The following FBXO7 variants were observed in gnomAD, a reference collection of about 807,000 sequenced individuals.
FBXO7 encodes the protein F-box protein 7, also known as F-box only protein 7.
A neutral mutation model predicts 50.2 loss-of-function variants in FBXO7; 31 were observed. The ratio of observed to expected loss-of-function variants is 0.62; its 90% CI spans 0.46 to 0.83. FBXO7 has a LOEUF of 0.83. Among genes scored for constraint, FBXO7 ranks in the 40% least tolerant of loss-of-function variants. FBXO7 has a pLI of 0.00. For synonymous variants in FBXO7, 256 were observed against 253.1 expected, an observed-to-expected ratio of 1.01 and a Z score of -0.11; for missense variants, 667 against 646.6, an observed-to-expected ratio of 1.03 and a Z score of -0.34.
chr22:32,485,570 C>T (rs2057493294), intron 4 of FBXO7, among the ~76,000 whole-genome samples: 1 of 151,958 alleles, frequency 6.6e-6, no homozygotes, highest in Non-Finnish European at 1.5e-5. Flanking sequence ...TTCTTTATGC[C>T]TGTGGATGGC....
At chr22:32,487,178 A>C (rs2057503916) in intron 4 of FBXO7, 1 of 152,394 alleles carries the variant, frequency 6.6e-6, no homozygotes, top group African/African-American at 2.4e-5. Context: ...CACCCAAGGC[A>C]TCCTGCTTGG....
chr22:32,481,934 G>C lies in FBXO7; in HGVS notation c.418-1963G>C, dbSNP rs1262722491. On this transcript the variant is annotated intron_variant, in intron 2 of 8. Coordinates refer to ENST00000266087, the MANE Select transcript of FBXO7 (RefSeq NM_012179.4). ...AAGAATTTGATAAATATTCATATCA[G>C]AATAGCTCAGAGAATGTCAGTGGTT... Among the ~76,000 whole-genome samples the C allele has an allele frequency of 6.0e-5, 9 of 151,236 alleles. No individual in the cohort carries two copies. The East Asian group carries it at 1.8e-3, about 30-fold the overall frequency.
intron 2 of FBXO7, among the ~76,000 whole-genome samples, chr22:32,482,104 G>GT (rs527811429): frequency 6.4e-4 from 97 of 152,102 alleles, no homozygotes; most frequent in Non-Finnish European, 1.2e-3. Context: ...ATGGCCAAAA[G>GT]TTAGACATAG....
intron 7 of FBXO7, among the ~76,000 whole-genome samples, 178 bp from the exon 8 acceptor site, chr22:32,495,311 GTGTT>G (rs929012507): frequency 6.6e-6 from 1 of 151,736 alleles, no homozygotes; most frequent in African/African-American, 2.4e-5. Flanking sequence ...CATCAATAAA[GTGTT>G]TGAATTAGAT....
At chr22:32,482,842 T>G (rs1285054020) in intron 2 of FBXO7, among the ~76,000 whole-genome samples, 14 of 152,224 alleles carry the variant, frequency 9.2e-5, no homozygotes. Context: ...TGGTTTTTTA[T>G]AAACTTGCAG....
In FBXO7 at chr22:32,479,389, A is replaced by G. The variant is rs2057449812; in HGVS notation, c.417+114A>G. The G allele has an allele frequency of 4.3e-6, 4 of 922,520 alleles. No homozygotes were observed. The African/African-American group carries it at 5.3e-5, about 12-fold the overall frequency. The allele number at this position is 922,520 out of a possible 1,614,324, so 57.1% of individuals were successfully genotyped here. On this transcript the variant is annotated intron_variant, in intron 2 of 8. Coordinates refer to ENST00000266087, the MANE Select transcript of FBXO7 (RefSeq NM_012179.4). ...ATCATCGATAGATTGCACATTTTAT[A>G]TATATTTTTTTCTTTTTTTTTTTTT...
At chr22:32,495,579 T>A in intron 8 of FBXO7, 49 bp downstream of exon 8, 1 of 1,056,292 alleles carries the variant, frequency 9.5e-7, no homozygotes, top group Middle Eastern at 2.2e-4. Context: ...CAGAAATGAC[T>A]AGTGAATTAA....
chr22:32,492,115 A>G (rs1208535014), intron 6 of FBXO7: 1 of 152,218 alleles, frequency 6.6e-6, no homozygotes, highest in Non-Finnish European at 1.5e-5. Context: ...GGGGAAGTAT[A>G]ATTATGCGTA....
chr22:32,476,943 G>T (rs568211220), intron 1 of FBXO7, among the ~76,000 whole-genome samples: 2 of 152,146 alleles, frequency 1.3e-5, no homozygotes, highest in Non-Finnish European at 2.9e-5. Context: ...AGCGGACCAT[G>T]ACCTTTTCTG....
At chr22:32,486,965 C>A (rs780384404) in intron 4 of FBXO7, among the ~76,000 whole-genome samples, 2 of 152,132 alleles carry the variant, frequency 1.3e-5, no homozygotes, top group Non-Finnish European at 2.9e-5. Context: ...CACTTAATGA[C>A]GTGTATAATA....
At chr22:32,497,385 C>A (rs1376581711) in intron 8 of FBXO7, among the ~76,000 whole-genome samples, 1 of 152,170 alleles carries the variant, frequency 6.6e-6, no homozygotes, top group African/African-American at 2.4e-5. Context: ...TTAGGTCTCA[C>A]AAGATTTGGT....
chr22:32,485,331 A>G, intron 4 of FBXO7, 122 bp downstream of exon 4: 5 of 1,257,794 alleles, frequency 4.0e-6, no homozygotes, highest in Non-Finnish European at 5.8e-6. Flanking sequence ...TCTCAACTGT[A>G]TTTAATTCCT....
At chr22:32,481,819 T>G (rs1158581894) in intron 2 of FBXO7, among the ~76,000 whole-genome samples, 2 of 152,148 alleles carry the variant, frequency 1.3e-5, no homozygotes, top group Non-Finnish European at 2.9e-5. Flanking sequence ...CTTAGTCACT[T>G]GTTTTAGTCT....
intron 8 of FBXO7, among the ~76,000 whole-genome samples, chr22:32,496,367 A>T (rs1013092785): frequency 6.6e-6 from 1 of 152,154 alleles, no homozygotes; most frequent in African/African-American, 2.4e-5. Context: ...CTGTAATCCC[A>T]GCTACTCAGG....
chr22:32,475,327 G>A (rs777537190), intron 1 of FBXO7: 1 of 1,607,970 alleles, frequency 6.2e-7, no homozygotes, highest in Non-Finnish European at 8.5e-7. Context: ...GACGGGAAGC[G>A]CGGGTGGTCG....
chr22:32,484,910 T>C (rs2057488713), intron 3 of FBXO7, among the ~76,000 whole-genome samples, 158 bp from the exon 4 acceptor site: 1 of 152,210 alleles, frequency 6.6e-6, no homozygotes, highest in African/African-American at 2.4e-5. Context: ...TATCCTACAA[T>C]ATAAAATATA....
At position 32,487,831 on chromosome 22, in the gene FBXO7, A is replaced by G. The variant is rs762537707; in HGVS notation, c.871+3A>G. On this transcript the variant is annotated splice_donor_region_variant and intron_variant, in intron 5 of 8. Transcript: ENST00000266087. Reference sequence around the variant, plus strand: ...TTTTATTTGCAAAGAGAAACTAGGTAATACAAACATTATTTAACTTTTGGG... The same window carrying G: ...TTTTATTTGCAAAGAGAAACTAGGTGATACAAACATTATTTAACTTTTGGG... 20 of 1,563,516 alleles carry G rather than the reference A, an allele frequency of 1.3e-5. No individual in the cohort carries two copies. The highest frequency in any genetic ancestry group is 1.7e-5 in the Non-Finnish European group (19 of 1,134,908).
chr22:32,483,824 A>T (rs1392480101), intron 2 of FBXO7, 73 bp from the exon 3 acceptor site: 2 of 1,369,874 alleles, frequency 1.5e-6, no homozygotes, highest in African/African-American at 2.9e-5. Context: ...CACTTAGTTC[A>T]CTTTAGGATA....
At chr22:32,489,130 G>C (rs1309666808) in intron 5 of FBXO7, 1 of 152,156 alleles carries the variant, frequency 6.6e-6, no homozygotes, top group Non-Finnish European at 1.5e-5. Context: ...TTTAATGTCA[G>C]ACTAGGCCAG....
Sources: gnomAD v4.1 joint callset for allele counts (sites outside exome capture counted in the v4.1 genomes callset) on GRCh38, gnomAD v4.1.1 for gene constraint, MANE v1.5 for transcripts, NCBI Gene and HGNC (gene_info 2026-07-23, HGNC 2026-07-21) for gene names.